RERE: variants seen among roughly 807,000 people sequenced by gnomAD.
RERE encodes arginine-glutamic acid dipeptide repeats protein.
In RERE, 40 loss-of-function variants were observed where a neutral mutation model predicts 146.1. The ratio of observed to expected loss-of-function variants is 0.27; its 90% CI spans 0.21 to 0.36. RERE has a LOEUF of 0.36. Ranked by LOEUF, RERE falls within the 10% of genes least tolerant of loss-of-function variation. The pLI is 1.00. For missense variants in RERE, 1,933 were observed against 2,138.7 expected (o/e 0.90, Z 1.90); for synonymous variants, 1,003 against 866.0 (o/e 1.16, Z -2.78).
At chr1:8,727,490 A>T (rs1373988477) in intron 1 of RERE, among the ~76,000 whole-genome samples, 1 of 150,008 alleles carries the variant, frequency 6.7e-6, no homozygotes, top group Non-Finnish European at 1.5e-5. Context: ...ACTGTTTTTT[A>T]TTTTTTTGTT....
Position 8,360,670 on chromosome 1 carries a change from T to C in RERE, c.2837A>G (p.Lys946Arg), listed in dbSNP as rs1028121857. 1.4e-5 allele frequency: 21 copies of C among 1,540,874 alleles called. No homozygotes were observed. The highest frequency in any genetic ancestry group is 1.7e-5 in the Non-Finnish European group (20 of 1,145,354). ...IPQLPAPQAH[K>R]HPPHLSGPSP... ...GGGCCCCGAGAGGTGGGGAGGGTGC[T>C]TGTGGGCCTGTGGCGCCGGCAGCTG... is the stretch of plus-strand genomic sequence containing the variant. The change falls in exon 18 of 23, where the codon AAG becomes AGG. Residue 946 changes from lysine to arginine, a missense_variant. Lys to Arg is a conservative substitution (Grantham distance 26). Around this residue, in one of 11 missense-constraint regions of RERE, gnomAD observed 1,255 missense variants for 1,153.8 expected, o/e 1.09. Coordinates refer to ENST00000400908, the MANE Select transcript of RERE (RefSeq NM_001042681.2).
At chr1:8,551,906 C>G (rs1313905877) in intron 6 of RERE, among the ~76,000 whole-genome samples, 1 of 152,130 alleles carries the variant, frequency 6.6e-6, no homozygotes, top group East Asian at 1.9e-4. Flanking sequence ...AAATTCTTAC[C>G]CGGGAATAAA....
intron 12 of RERE, 36 bp from the exon 13 acceptor site, chr1:8,366,010 T>A: frequency 6.2e-7 from 1 of 1,604,642 alleles, no homozygotes; most frequent in Non-Finnish European, 8.5e-7. Context: ...GGGGAGGGCC[T>A]GGGGCTTTTC....
chr1:8,357,544 A>G lies in RERE; in HGVS notation c.4339+652T>C, dbSNP rs183123574. ...TACTCCAAGTCCCATGGAGCAGGTG[A>G]ACCTGCCTCCTCGTAAGCACAGTAG... On this transcript the variant is annotated intron_variant, in intron 20 of 22. Transcript: ENST00000400908. 5.2e-3 allele frequency among the ~76,000 whole-genome samples: 799 copies of G among 152,292 alleles called. 5 individuals are homozygous for G. The highest frequency in any genetic ancestry group is 0.019 in the African/African-American group (771 of 41,560).
chr1:8,443,481 A>G (rs12060643), intron 11 of RERE, among the ~76,000 whole-genome samples: 2 of 143,428 alleles, frequency 1.4e-5, no homozygotes, highest in East Asian at 2.1e-4. Context: ...AAAAAAAAAG[A>G]AAGAAAAGCT....
In RERE at chr1:8,662,508, C is replaced by T. The variant is rs144831241; in HGVS notation, c.-144-6067G>A. On this transcript the variant is annotated intron_variant, in intron 1 of 22. Transcript: ENST00000400908. ...ACCAACCTGGGAAACACAGCAAGAC[C>T]CCATCTTTACAAAAGAAAAATAAAT... Among the ~76,000 whole-genome samples the T allele has an allele frequency of 4.5e-3, 690 of 151,884 alleles. 4 individuals are homozygous for T. Among genetic ancestry groups the T allele is most frequent in the Middle Eastern group, 0.017 (5 of 292 alleles).
intron 10 of RERE, among the ~76,000 whole-genome samples, chr1:8,476,332 C>T (rs1644755847): frequency 6.6e-6 from 1 of 152,172 alleles, no homozygotes; most frequent in Admixed American, 6.5e-5. Flanking sequence ...GAAGATGTCC[C>T]TACCCTAGAA....
rs1553149622 is a variant in RERE at position 8,789,301 on chromosome 1, A to AATATAT, written c.-145+27853_-145+27858dup. On this transcript the variant is annotated intron_variant, in intron 1 of 22. Transcript: ENST00000400908. ...CTCTACCAAAAAAAAAAAAAAAAAA[A>AATATAT]ATATATATATATATATATATATATG... is the stretch of plus-strand genomic sequence containing the variant. Among the ~76,000 whole-genome samples, 104 of 24,766 alleles carry AATATAT rather than the reference A, an allele frequency of 4.2e-3. 2 individuals carry two copies. The highest frequency in any genetic ancestry group is 0.019 in the East Asian group (19 of 1,004). The allele number at this position is 24,766 out of a possible 152,430, so 16.2% of individuals were successfully genotyped here. A position where few individuals can be genotyped will look rare whatever the true frequency, so the allele number is the denominator to read the frequency against.
chr1:8,714,774 G>T (rs912638841), intron 1 of RERE, among the ~76,000 whole-genome samples: 1 of 152,034 alleles, frequency 6.6e-6, no homozygotes, highest in African/African-American at 2.4e-5. Flanking sequence ...AAAATTTAAG[G>T]GTGATTTAGA....
intron 1 of RERE, among the ~76,000 whole-genome samples, chr1:8,759,228 A>G (rs1640704808): frequency 6.6e-6 from 1 of 152,268 alleles, no homozygotes; most frequent in South Asian, 2.1e-4. Flanking sequence ...TTTACTGTCA[A>G]CTATTACCTC....
chr1:8,601,626 C>CCCCACACACACACA (rs1553119505), intron 4 of RERE, among the ~76,000 whole-genome samples: 1 of 94,914 alleles, frequency 1.1e-5, no homozygotes, highest in African/African-American at 4.4e-5. Flanking sequence ...TCCAAGGTCA[C>CCCCACACACACACA]CACACACACA....
At chr1:8,600,504 G>A (rs1279386027) in intron 4 of RERE, among the ~76,000 whole-genome samples, 1 of 152,146 alleles carries the variant, frequency 6.6e-6, no homozygotes, top group East Asian at 1.9e-4. Flanking sequence ...CTGGACATCT[G>A]TGGATATTTG....
At position 8,729,247 on chromosome 1, in the gene RERE, G is replaced by A. The variant is rs1252053364; in HGVS notation, c.-144-72806C>T. Among the ~76,000 whole-genome samples the A allele has an allele frequency of 1.7e-4, 22 of 130,294 alleles. No individual in the cohort carries two copies. In the South Asian group the frequency reaches 5.6e-3, roughly 33 times the overall value. The allele number at this position is 130,294 out of a possible 152,430, so 85.5% of individuals were successfully genotyped here. On this transcript the variant is annotated intron_variant, in intron 1 of 22. Coordinates refer to ENST00000400908, the MANE Select transcript of RERE (RefSeq NM_001042681.2). ...TTTTTTTTTTTTTTTTTATTGAGAT[G>A]GAGTCTCGCTCTGTTGCCCAGGCTG... is the stretch of plus-strand genomic sequence containing the variant.
intron 6 of RERE, among the ~76,000 whole-genome samples, chr1:8,548,751 G>C (rs915295771): frequency 7.2e-5 from 11 of 152,200 alleles, no homozygotes; most frequent in Admixed American, 2.0e-4. Context: ...TCGGGAGGCT[G>C]AGGCGGGTGG....
chr1:8,486,684 AT>A (rs2124200581), intron 10 of RERE, among the ~76,000 whole-genome samples: 1 of 151,636 alleles, frequency 6.6e-6, no homozygotes, highest in South Asian at 2.1e-4. Context: ...AAAGAGATCA[AT>A]AATGTTGAAA....
At chr1:8,422,952 G>C (rs1643933036) in intron 11 of RERE, 145 bp from the exon 12 acceptor site, 3 of 645,348 alleles carry the variant, frequency 4.6e-6, no homozygotes, top group Admixed American at 2.4e-5. Flanking sequence ...GAGTATGTCA[G>C]CAGCTCAGCT....
At position 8,624,351 on chromosome 1, in the gene RERE, T is replaced by C. The variant is rs141330922; in HGVS notation, c.355A>G (p.Asn119Asp). The C allele has an allele frequency of 5.0e-5, 81 of 1,611,376 alleles. No individual in the cohort carries two copies. Among genetic ancestry groups the C allele is most frequent in the Non-Finnish European group, 6.6e-5 (78 of 1,179,482 alleles). Residue 119 changes from asparagine to aspartate, a missense_variant, in exon 3 of 23, where the codon AAC becomes GAC. Around this residue, in one of 11 missense-constraint regions of RERE, gnomAD observed 74 missense variants for 99.6 expected, o/e 0.74. Coordinates refer to ENST00000400908, the MANE Select transcript of RERE (RefSeq NM_001042681.2). ...DCVYIESRRP[N>D]TPYFICSIQD... ...ATGCTACAGATGAAATACGGTGTGT[T>C]TGGCCTCCGACTCTCGATATACACA...
At chr1:8,573,004 C>T (rs1024392994) in intron 4 of RERE, among the ~76,000 whole-genome samples, 3 of 152,128 alleles carry the variant, frequency 2.0e-5, no homozygotes, top group Non-Finnish European at 1.5e-5. Context: ...CTAATGATTC[C>T]ATACACCAGT....
chr1:8,596,660 T>C (rs976108379), intron 4 of RERE, among the ~76,000 whole-genome samples: 11 of 142,248 alleles, frequency 7.7e-5, no homozygotes, highest in African/African-American at 2.9e-4. Context: ...AGCCACAAGC[T>C]ACCATGTCTG....
Sources: allele counts gnomAD v4.1 joint callset (sites outside exome capture counted in the v4.1 genomes callset), GRCh38; gene constraint gnomAD v4.1.1; regional missense constraint gnomAD v4.1.1; transcripts MANE v1.5; gene names NCBI Gene and HGNC (gene_info 2026-07-23, HGNC 2026-07-21).